Variants in RBFOX1 observed in about 807,000 individuals in gnomAD.
RBFOX1 encodes RNA binding fox-1 homolog 1.
RBFOX1 carries 8 observed loss-of-function variants against 57.7 expected under a neutral mutation model. The ratio of observed to expected loss-of-function variants is 0.14; its 90% CI spans 0.08 to 0.25. The LOEUF (loss-of-function observed/expected upper bound fraction) is 0.25. RBFOX1 is among the 10% of genes least tolerant of loss of function. The probability of loss-of-function intolerance (pLI) is 1.00; values close to 1 mark genes in which losing one functional copy is unlikely to be tolerated. For missense variants in RBFOX1, 611 were observed against 548.5 expected (o/e 1.11, Z -1.14); for synonymous variants, 326 against 222.4 (o/e 1.47, Z -4.15).
intron 3 of RBFOX1, among the ~76,000 whole-genome samples, chr16:5,621,016 A>G (rs2048185913): frequency 6.6e-6 from 1 of 151,780 alleles, no homozygotes; most frequent in African/African-American, 2.4e-5. Context: ...AATTTTTTGT[A>G]TTATCAGTAG....
chr16:7,591,690 C>A (rs1204769011), intron 7 of RBFOX1, among the ~76,000 whole-genome samples: 1 of 152,122 alleles, frequency 6.6e-6, no homozygotes, highest in Non-Finnish European at 1.5e-5. Context: ...CTTCTCTGTA[C>A]CCCTTCTTGC....
chr16:5,509,860 G>C lies in RBFOX1; in HGVS notation c.258+42606G>C, dbSNP rs891729747. Among the ~76,000 whole-genome samples, 3 of 152,324 alleles carry C rather than the reference G, an allele frequency of 2.0e-5. No individual in the cohort carries two copies. The East Asian group carries it at 5.8e-4, about 29-fold the overall frequency. On this transcript the variant is annotated intron_variant, in intron 2 of 2. Coordinates refer to the RBFOX1 transcript ENST00000585867. ...AAGTAAGGGAGTGCGGGGTGTCCCA[G>C]ATGGTGCCCAAGAACCTTGGCGCAG... is the stretch of plus-strand genomic sequence containing the variant.
intron 1 of RBFOX1, among the ~76,000 whole-genome samples, chr16:5,403,349 C>CAAAAAAAAAAAAAAAAAAAAAAAA (rs767830099): frequency 1.2e-5 from 1 of 82,264 alleles, no homozygotes; most frequent in Admixed American, 1.4e-4. Flanking sequence ...AACGCTGTCT[C>CAAAAAAAAAAAAAAAAAAAAAAAA]AAAAAAAAAA....
intron 11 of RBFOX1, among the ~76,000 whole-genome samples, chr16:7,638,192 T>C (rs1185006127): frequency 6.6e-6 from 1 of 152,208 alleles, no homozygotes; most frequent in Non-Finnish European, 1.5e-5. Flanking sequence ...TCCATAATCA[T>C]AAGTAGTGGT....
intron 3 of RBFOX1, among the ~76,000 whole-genome samples, chr16:5,614,915 G>T (rs565833946): frequency 2.0e-5 from 3 of 152,296 alleles, no homozygotes; most frequent in East Asian, 3.9e-4. Context: ...GAGGGTGGGG[G>T]TTTGGTCCAT....
intron 4 of RBFOX1, among the ~76,000 whole-genome samples, chr16:7,113,417 A>T (rs911858317): frequency 6.6e-5 from 10 of 152,114 alleles, no homozygotes; most frequent in Admixed American, 6.5e-4. Context: ...CTTCTTTCTC[A>T]TCTACTTGCC....
intron 2 of RBFOX1, among the ~76,000 whole-genome samples, chr16:6,480,373 G>A (rs865828457): frequency 2.0e-5 from 3 of 152,132 alleles, no homozygotes; most frequent in Non-Finnish European, 4.4e-5. Context: ...ACTAAACTCC[G>A]CATTTGCAGA....
intron 4 of RBFOX1, among the ~76,000 whole-genome samples, chr16:5,977,989 C>A (rs1470716552): frequency 2.0e-5 from 3 of 151,864 alleles, no homozygotes; most frequent in Non-Finnish European, 4.4e-5. Context: ...GTGTGTTCTT[C>A]CTCTTTCTCA....
At chr16:6,504,606 T>C (rs2096038712) in intron 2 of RBFOX1, among the ~76,000 whole-genome samples, 1 of 152,174 alleles carries the variant, frequency 6.6e-6, no homozygotes, top group Non-Finnish European at 1.5e-5. Flanking sequence ...ACACCTCATG[T>C]TGGTAGATAG....
chr16:6,260,405 G>C (rs2097694626), intron 1 of RBFOX1, among the ~76,000 whole-genome samples: 1 of 152,166 alleles, frequency 6.6e-6, no homozygotes, highest in South Asian at 2.1e-4. Context: ...GTTGCAGCCA[G>C]GTTGGAATGA....
chr16:5,776,614 C>T (rs776578927), intron 3 of RBFOX1, among the ~76,000 whole-genome samples: 3 of 152,212 alleles, frequency 2.0e-5, no homozygotes, highest in African/African-American at 4.8e-5. Context: ...GTGGCATTGT[C>T]CACAGTGAGC....
intron 3 of RBFOX1, among the ~76,000 whole-genome samples, chr16:6,956,842 G>C (rs1044126771): frequency 3.9e-5 from 6 of 152,116 alleles, no homozygotes; most frequent in Non-Finnish European, 8.8e-5. Context: ...CCAAGGATTT[G>C]GATGGGCTGG....
At chr16:7,544,600 A>G (rs2083890257) in intron 5 of RBFOX1, among the ~76,000 whole-genome samples, 1 of 152,126 alleles carries the variant, frequency 6.6e-6, no homozygotes, top group South Asian at 2.1e-4. Context: ...GGATCTAGGA[A>G]AGAAGCAAGG....
At chr16:6,982,076 T>A (rs1427767097) in intron 3 of RBFOX1, among the ~76,000 whole-genome samples, 2 of 152,212 alleles carry the variant, frequency 1.3e-5, no homozygotes, top group East Asian at 3.8e-4. Context: ...TATACTCATG[T>A]TGGTTTATAT....
chr16:5,412,128 C>G (rs2067038039), intron 1 of RBFOX1, among the ~76,000 whole-genome samples: 1 of 152,066 alleles, frequency 6.6e-6, no homozygotes, highest in Non-Finnish European at 1.5e-5. Flanking sequence ...ATGGCTTTTT[C>G]TCTGGACAGA....
chr16:7,577,108 T>C lies in RBFOX1; in HGVS notation c.271-2669T>C, dbSNP rs77816094. Among the ~76,000 whole-genome samples the C allele has an allele frequency of 5.6e-3, 850 of 152,344 alleles. 6 individuals are homozygous for C. Among genetic ancestry groups the C allele is most frequent in the African/African-American group, 0.019 (791 of 41,572 alleles). ...TATCACATGAAGGCGGCGACATTGATTGTACACTTCTTCATGCATTTGTTT... is the reference window on the plus strand; with the variant it reads ...TATCACATGAAGGCGGCGACATTGACTGTACACTTCTTCATGCATTTGTTT... On this transcript the variant is annotated intron_variant, in intron 5 of 15. Transcript: ENST00000550418.
At chr16:7,190,781 G>C (rs1350870485) in intron 4 of RBFOX1, among the ~76,000 whole-genome samples, 1 of 152,146 alleles carries the variant, frequency 6.6e-6, no homozygotes, top group Non-Finnish European at 1.5e-5. Context: ...TTATGGCATT[G>C]CTCATATTCG....
At chr16:5,763,435 C>G (rs2151651147) in intron 3 of RBFOX1, among the ~76,000 whole-genome samples, 1 of 152,298 alleles carries the variant, frequency 6.6e-6, no homozygotes, top group Admixed American at 6.5e-5. Context: ...GCGCCCATGT[C>G]TTGGAGGGAG....
chr16:6,808,344 T>C (rs2087481359), intron 3 of RBFOX1, among the ~76,000 whole-genome samples: 1 of 152,042 alleles, frequency 6.6e-6, no homozygotes, highest in African/African-American at 2.4e-5. Context: ...TTATGCCTAC[T>C]TCACTGAAGC....
Sources: gnomAD v4.1 joint callset for allele counts (sites outside exome capture counted in the v4.1 genomes callset) on GRCh38, gnomAD v4.1.1 for gene constraint, MANE v1.5 for transcripts, NCBI Gene and HGNC (gene_info 2026-07-23, HGNC 2026-07-21) for gene names.